The following ZNF718 variants were observed in gnomAD, a reference collection of about 807,000 sequenced individuals.
ZNF718 encodes zinc finger protein 718.
Under a neutral mutation model 2.6 loss-of-function variants are expected in ZNF718, and 3 were observed. That is an observed-to-expected ratio of 1.16 (90% confidence interval 0.53 to 3.01). The LOEUF is 3.01. Ranked by LOEUF, ZNF718 falls within the 30% of genes most tolerant of loss-of-function variation. ZNF718 has a pLI of 0.03. For synonymous variants in ZNF718, 135 were observed against 77.9 expected, an observed-to-expected ratio of 1.73 and a Z score of -3.86; for missense variants, 468 against 230.0, an observed-to-expected ratio of 2.03 and a Z score of -6.69.
chr4:181,731 C>T (rs1159200901), intron 3 of ZNF718, among the ~76,000 whole-genome samples: 4 of 151,992 alleles, frequency 2.6e-5, no homozygotes, highest in African/African-American at 9.7e-5. Context: ...TAAATGTGTG[C>T]CATGGTGGTT....
At chr4:170,810 G>C (rs1553817821) in intron 3 of ZNF718, among the ~76,000 whole-genome samples, 1 of 152,000 alleles carries the variant, frequency 6.6e-6, no homozygotes, top group African/African-American at 2.4e-5. Flanking sequence ...CTTTAGTTCG[G>C]AGTAGTTTGA....
chr4:167,418 T>C (rs181366000), downstream of ZNF718, among the ~76,000 whole-genome samples: 126 of 152,312 alleles, frequency 8.3e-4, no homozygotes, highest in African/African-American at 3.0e-3. Flanking sequence ...GGGATGGCAT[T>C]GAATCTATAA....
intron 3 of ZNF718, among the ~76,000 whole-genome samples, chr4:172,565 G>T (rs960836398): frequency 1.3e-5 from 2 of 152,076 alleles, no homozygotes; most frequent in Admixed American, 1.3e-4. Flanking sequence ...CAGAGCCACA[G>T]AGAAAAATGA....
intron 1 of ZNF718, among the ~76,000 whole-genome samples, chr4:126,108 G>T (rs535450546): frequency 6.6e-6 from 1 of 152,282 alleles, no homozygotes; most frequent in African/African-American, 2.4e-5. Context: ...GCTCCTTGCT[G>T]TCTTGTGCTT....
intron 3 of ZNF718, among the ~76,000 whole-genome samples, chr4:139,206 T>A (rs1715704174): frequency 6.6e-6 from 1 of 152,220 alleles, no homozygotes; most frequent in Non-Finnish European, 1.5e-5. Flanking sequence ...TTCAGTTTAA[T>A]TTCCTGGAGA....
chr4:201,663 G>T, exon 5 of ZNF718: 2 of 181,358 alleles, frequency 1.1e-5, no homozygotes, highest in Non-Finnish European at 1.2e-5. Context: ...GCTTTATCAG[G>T]GCAATTGCTG....
chr4:137,861 T>A (rs1049762332), intron 3 of ZNF718, among the ~76,000 whole-genome samples: 1 of 152,218 alleles, frequency 6.6e-6, no homozygotes, highest in Non-Finnish European at 1.5e-5. Context: ...ATGTAGTTGA[T>A]GCTATATGCA....
At chr4:133,195 A>T (rs1390726838) in intron 3 of ZNF718, among the ~76,000 whole-genome samples, 316 of 20,500 alleles carry the variant, frequency 0.015, 6 homozygotes, top group Non-Finnish European at 0.017. Context: ...AAAAAAAAAA[A>T]ATATATATAT....
chr4:185,808 G>T (rs1437674903), intron 3 of ZNF718, among the ~76,000 whole-genome samples: 8 of 152,092 alleles, frequency 5.3e-5, no homozygotes, highest in African/African-American at 1.4e-4. Context: ...CAGAAACTAG[G>T]ATTGCAACCT....
In ZNF718 at chr4:172,092, G is replaced by A. The variant is rs142149834; in HGVS notation, c.227-28989G>A. 1.6e-3 allele frequency among the ~76,000 whole-genome samples: 240 copies of A among 152,140 alleles called. 2 individuals carry two copies. The highest frequency in any genetic ancestry group is 0.012 in the South Asian group (56 of 4,824). ...CTATATTTATTGTAAAGCATATACC[G>A]TACATGGTGACTAGTCACCATGCTG... is the stretch of plus-strand genomic sequence containing the variant. On this transcript the variant is annotated intron_variant and NMD_transcript_variant, in intron 3 of 4. Transcript: ENST00000642529.
chr4:171,943 G>A (rs1172607010), intron 3 of ZNF718, among the ~76,000 whole-genome samples: 2 of 152,152 alleles, frequency 1.3e-5, no homozygotes, highest in East Asian at 1.9e-4. Flanking sequence ...GCTCACGCTG[G>A]GAGCTGTAGA....
At chr4:155,872 T>C (rs1382583980) in intron 3 of ZNF718, among the ~76,000 whole-genome samples, 1 of 152,200 alleles carries the variant, frequency 6.6e-6, no homozygotes, top group African/African-American at 2.4e-5. Context: ...TTTTGAATTA[T>C]AGCTCCCATA....
At chr4:184,742 A>G (rs187468075) in intron 3 of ZNF718, among the ~76,000 whole-genome samples, 23 of 152,022 alleles carry the variant, frequency 1.5e-4, no homozygotes, top group Non-Finnish European at 2.5e-4. Flanking sequence ...CAGTCTTGGG[A>G]GGGTTGTGTG....
chr4:162,309 A>G lies in ZNF718; in HGVS notation c.*187A>G. The G allele has an allele frequency of 4.1e-6, 2 of 483,146 alleles. No individual in the cohort carries two copies. The highest frequency in any genetic ancestry group is 7.3e-6 in the Non-Finnish European group (2 of 273,276). 29.9% of individuals were successfully genotyped at this position (483,146 alleles called of 1,614,324 possible). A position where few individuals can be genotyped will look rare whatever the true frequency, so the allele number is the denominator to read the frequency against. On this transcript the variant is annotated 3_prime_UTR_variant, in exon 4 of 4. Coordinates refer to ENST00000510175, the MANE Select transcript of ZNF718 (RefSeq NM_001039127.6). ...ATATGAAAAATGTGGAAAAGCCTTC[A>G]AATGCTTGTCACATATTACTGAATA...
chr4:164,678 T>C (rs1468802758), downstream of ZNF718, among the ~76,000 whole-genome samples: 1 of 152,050 alleles, frequency 6.6e-6, no homozygotes, highest in African/African-American at 2.4e-5. Context: ...TTAAGTAACA[T>C]TTAGTTAGAA....
At chr4:126,209 C>G (rs1715213062) in intron 1 of ZNF718, among the ~76,000 whole-genome samples, 1 of 152,228 alleles carries the variant, frequency 6.6e-6, no homozygotes, top group Non-Finnish European at 1.5e-5. Context: ...TTAGGGAATT[C>G]AAGACCATGC....
chr4:126,517 C>T (rs1715227801), intron 1 of ZNF718, among the ~76,000 whole-genome samples: 1 of 152,214 alleles, frequency 6.6e-6, no homozygotes, highest in Non-Finnish European at 1.5e-5. Context: ...AGGCTGCCTT[C>T]AGCAGGTACC....
intron 3 of ZNF718, among the ~76,000 whole-genome samples, chr4:143,703 A>G (rs1480621208): frequency 6.6e-6 from 1 of 152,164 alleles, no homozygotes; most frequent in Non-Finnish European, 1.5e-5. Flanking sequence ...TCTTTTAACC[A>G]AACACGTTTG....
At chr4:158,007 C>A (rs114181387) in intron 3 of ZNF718, among the ~76,000 whole-genome samples, 176 of 152,178 alleles carry the variant, frequency 1.2e-3, no homozygotes, top group African/African-American at 3.9e-3. Flanking sequence ...ATATTTGAAA[C>A]CCTAATGTGA....
Sources: allele counts gnomAD v4.1 joint callset (sites outside exome capture counted in the v4.1 genomes callset), GRCh38; gene constraint gnomAD v4.1.1; transcripts MANE v1.5; gene names NCBI Gene and HGNC (gene_info 2026-07-23, HGNC 2026-07-21).